The following SYNDIG1 variants were observed in gnomAD, a reference collection of about 807,000 sequenced individuals.
SYNDIG1 encodes synapse differentiation inducing 1.
A neutral mutation model predicts 19.4 loss-of-function variants in SYNDIG1; 9 were observed. The observed-to-expected ratio is 0.46, with a 90% CI of 0.28 to 0.81. SYNDIG1 has a LOEUF of 0.81. SYNDIG1 is among the 30% of genes least tolerant of loss of function. SYNDIG1 has a pLI of 0.12. For synonymous variants in SYNDIG1, 141 were observed against 145.9 expected (o/e 0.97, Z 0.24); for missense variants, 311 against 343.3 (o/e 0.91, Z 0.74).
chr20:24,519,902 G>A (rs2056969760), intron 1 of SYNDIG1, among the ~76,000 whole-genome samples: 1 of 152,076 alleles, frequency 6.6e-6, no homozygotes, highest in East Asian at 1.9e-4. Context: ...TGTCATCACT[G>A]TAGATTAAAC....
chr20:24,611,306 G>A (rs986169384), intron 3 of SYNDIG1, among the ~76,000 whole-genome samples: 6 of 152,052 alleles, frequency 3.9e-5, no homozygotes, highest in African/African-American at 4.8e-5. Flanking sequence ...TCCAGCTCAC[G>A]ACCTTGTTTT....
At chr20:24,611,288 A>G (rs1466045294) in intron 3 of SYNDIG1, among the ~76,000 whole-genome samples, 7 of 151,988 alleles carry the variant, frequency 4.6e-5, no homozygotes, top group Non-Finnish European at 1.0e-4. Context: ...GAACCGTTAG[A>G]CTATTCTTCC....
At chr20:24,613,712 C>T (rs925284994) in intron 3 of SYNDIG1, among the ~76,000 whole-genome samples, 17 of 152,190 alleles carry the variant, frequency 1.1e-4, no homozygotes, top group Admixed American at 6.5e-4. Context: ...CTGACGGCCG[C>T]GCCCCTGCAG....
At chr20:24,652,491 G>A (rs1447715454) in intron 3 of SYNDIG1, among the ~76,000 whole-genome samples, 1 of 152,218 alleles carries the variant, frequency 6.6e-6, no homozygotes, top group Non-Finnish European at 1.5e-5. Flanking sequence ...CTCTGGTCCA[G>A]CCCTCGGCCT....
chr20:24,591,942 A>G (rs570704500), intron 3 of SYNDIG1, among the ~76,000 whole-genome samples: 1 of 152,208 alleles, frequency 6.6e-6, no homozygotes, highest in Non-Finnish European at 1.5e-5. Flanking sequence ...GGGAAGAACT[A>G]TAGAAGTCTG....
chr20:24,651,766 G>A, intron 3 of SYNDIG1, among the ~76,000 whole-genome samples: 1 of 152,230 alleles, frequency 6.6e-6, no homozygotes, highest in East Asian at 1.9e-4. Flanking sequence ...GGACACAGCA[G>A]AAGTGATGTT....
chr20:24,584,821 C>G, intron 2 of SYNDIG1, 35 bp from the exon 3 acceptor site: 1 of 1,613,778 alleles, frequency 6.2e-7, no homozygotes, highest in African/African-American at 1.3e-5. Flanking sequence ...TATTAATCTT[C>G]TCTCCTGTCC....
In SYNDIG1 at chr20:24,642,052, TA is replaced by T. The variant is rs1339440599; in HGVS notation, c.619-23293del. The stretch of plus-strand genomic sequence containing the variant: ...AAACAAAAAGAACCATAGTCCATAA[TA>T]GATTCCTTCAAGATTTACCTAATGT... On this transcript the variant is annotated intron_variant, in intron 3 of 3. Transcript: ENST00000376862. 2.0e-5 allele frequency among the ~76,000 whole-genome samples: 3 copies of T among 152,234 alleles called. No individual in the cohort carries two copies. The East Asian group carries it at 5.8e-4, about 29-fold the overall frequency.
chr20:24,556,055 C>T (rs1313750019), intron 2 of SYNDIG1, among the ~76,000 whole-genome samples: 12 of 152,054 alleles, frequency 7.9e-5, no homozygotes, highest in Non-Finnish European at 1.5e-4. Flanking sequence ...TTTACCGTTA[C>T]GTAATGGCCT....
intron 1 of SYNDIG1, among the ~76,000 whole-genome samples, chr20:24,517,673 T>C (rs1185499319): frequency 1.4e-5 from 2 of 145,260 alleles, no homozygotes; most frequent in Non-Finnish European, 3.0e-5. Flanking sequence ...CACATATATA[T>C]GTGTATATGT....
intron 1 of SYNDIG1, among the ~76,000 whole-genome samples, chr20:24,506,031 T>A (rs1336274236): frequency 3.3e-5 from 5 of 152,218 alleles, no homozygotes; most frequent in African/African-American, 1.2e-4. Context: ...CAGCAAATGC[T>A]GAACCTCCAG....
intron 1 of SYNDIG1, among the ~76,000 whole-genome samples, chr20:24,481,903 C>T (rs1398651358): frequency 6.6e-6 from 1 of 152,120 alleles, no homozygotes; most frequent in Non-Finnish European, 1.5e-5. Flanking sequence ...TCAGCCTGAA[C>T]ATCTTACCGT....
intron 1 of SYNDIG1, among the ~76,000 whole-genome samples, chr20:24,493,321 C>A (rs965432095): frequency 2.0e-5 from 3 of 152,102 alleles, no homozygotes; most frequent in Non-Finnish European, 4.4e-5. Flanking sequence ...GGCACACAAG[C>A]ATGCACGTGC....
chr20:24,524,020 C>G lies in SYNDIG1; in HGVS notation c.-78-19000C>G, dbSNP rs147143146. On this transcript the variant is annotated intron_variant, in intron 1 of 3. Coordinates refer to ENST00000376862, the MANE Select transcript of SYNDIG1 (RefSeq NM_024893.3). ...GTTTCTGGAGTAAATCTCTAAGTTACTTATTCAGACAGGCTGCTGTGAGCT... is the reference window on the plus strand; with the variant it reads ...GTTTCTGGAGTAAATCTCTAAGTTAGTTATTCAGACAGGCTGCTGTGAGCT... Among the ~76,000 whole-genome samples the G allele has an allele frequency of 5.1e-3, 778 of 152,356 alleles. 9 individuals carry two copies. Among genetic ancestry groups the G allele is most frequent in the African/African-American group, 0.018 (728 of 41,582 alleles).
intron 2 of SYNDIG1, among the ~76,000 whole-genome samples, chr20:24,555,981 G>T (rs2057806646): frequency 6.6e-6 from 1 of 152,136 alleles, no homozygotes; most frequent in Non-Finnish European, 1.5e-5. Flanking sequence ...TTATGAATCT[G>T]GGTGCTCCTC....
intron 1 of SYNDIG1, among the ~76,000 whole-genome samples, chr20:24,508,183 A>G (rs567597882): frequency 3.6e-4 from 55 of 150,884 alleles, no homozygotes; most frequent in African/African-American, 1.3e-3. Context: ...AACATTAACC[A>G]TGAGGTAAGT....
intron 1 of SYNDIG1, among the ~76,000 whole-genome samples, chr20:24,509,164 A>T (rs2056679285): frequency 6.6e-6 from 1 of 152,148 alleles, no homozygotes; most frequent in African/African-American, 2.4e-5. Context: ...GGCATGTTTT[A>T]TTTAGCCCCT....
At chr20:24,616,734 C>G (rs1355291059) in intron 3 of SYNDIG1, among the ~76,000 whole-genome samples, 1 of 152,242 alleles carries the variant, frequency 6.6e-6, no homozygotes, top group Non-Finnish European at 1.5e-5. Context: ...TGGAGAGCAA[C>G]TGGCTGAGCT....
chr20:24,547,993 G>A (rs1057478912), intron 2 of SYNDIG1, among the ~76,000 whole-genome samples: 2 of 152,128 alleles, frequency 1.3e-5, no homozygotes, highest in East Asian at 1.9e-4. Flanking sequence ...GTGCCCATGG[G>A]GGCTGAGCCT....
Sources: gnomAD v4.1 joint callset for allele counts (sites outside exome capture counted in the v4.1 genomes callset) on GRCh38, gnomAD v4.1.1 for gene constraint, MANE v1.5 for transcripts, NCBI Gene and HGNC (gene_info 2026-07-23, HGNC 2026-07-21) for gene names.